The following CCSER1 variants were observed in gnomAD, a reference collection of about 807,000 sequenced individuals.
CCSER1 encodes the protein serine-rich coiled-coil domain-containing protein 1.
In CCSER1, 41 loss-of-function variants were observed where a neutral mutation model predicts 82.0. The ratio of observed to expected loss-of-function variants is 0.50; its 90% CI spans 0.39 to 0.65. CCSER1 has a LOEUF of 0.65. Ranked by LOEUF, CCSER1 falls within the 30% of genes least tolerant of loss-of-function variation. The pLI is 0.00. For synonymous variants in CCSER1, 414 were observed against 383.9 expected, an observed-to-expected ratio of 1.08 and a Z score of -0.92; for missense variants, 1,119 against 1,064.2, an observed-to-expected ratio of 1.05 and a Z score of -0.72.
chr4:91,135,096 C>T (rs998911921), intron 10 of CCSER1, among the ~76,000 whole-genome samples: 11 of 151,902 alleles, frequency 7.2e-5, no homozygotes, highest in African/African-American at 2.7e-4. Context: ...TTAATTTTCC[C>T]CCCACTTACT....
At chr4:91,301,515 T>C (rs1000674632) in intron 10 of CCSER1, among the ~76,000 whole-genome samples, 1 of 149,914 alleles carries the variant, frequency 6.7e-6, no homozygotes, top group African/African-American at 2.5e-5. Flanking sequence ...TATTTGCCTC[T>C]CTGTCTATGT....
intron 1 of CCSER1, among the ~76,000 whole-genome samples, chr4:90,271,847 TA>T: frequency 1.2e-4 from 3 of 24,208 alleles, no homozygotes; most frequent in South Asian, 1.6e-3. Context: ...TATATATATA[TA>T]TATATATATA....
At chr4:91,377,968 G>A (rs1031939439) in intron 10 of CCSER1, among the ~76,000 whole-genome samples, 5 of 152,114 alleles carry the variant, frequency 3.3e-5, no homozygotes, top group African/African-American at 4.8e-5. Flanking sequence ...TTCTACATAT[G>A]GCTAGCCAGT....
intron 8 of CCSER1, among the ~76,000 whole-genome samples, chr4:90,909,587 C>T (rs1726018501): frequency 6.6e-6 from 1 of 152,166 alleles, no homozygotes; most frequent in African/African-American, 2.4e-5. Context: ...TTCTATCATG[C>T]CTTTCCTGAT....
intron 1 of CCSER1, among the ~76,000 whole-genome samples, chr4:90,288,681 A>G (rs1459560404): frequency 6.6e-6 from 1 of 151,996 alleles, no homozygotes; most frequent in Non-Finnish European, 1.5e-5. Flanking sequence ...CCTGCCCTAC[A>G]TAGGCATGGA....
chr4:90,484,293 T>G (rs1033507813), intron 5 of CCSER1, among the ~76,000 whole-genome samples: 13 of 152,296 alleles, frequency 8.5e-5, no homozygotes, highest in Non-Finnish European at 1.2e-4. Context: ...TTCAAAGTTT[T>G]TAACTTATTT....
Position 90,885,544 on chromosome 4 carries a change from G to A in CCSER1, c.2095-37826G>A, listed in dbSNP as rs551653487. ...TTAATTTTGTGAGCTCAAGAGGGAT[G>A]TTTCTCCTTTTTGGCCCTTAGAGAA... On this transcript the variant is annotated intron_variant, in intron 8 of 10. Transcript: ENST00000509176. Among the ~76,000 whole-genome samples, 3 of 152,108 alleles carry A rather than the reference G, an allele frequency of 2.0e-5. No homozygotes were observed. In the East Asian group the frequency reaches 5.8e-4, roughly 29 times the overall value.
At chr4:91,430,271 G>T (rs1754217658) in intron 10 of CCSER1, among the ~76,000 whole-genome samples, 1 of 152,144 alleles carries the variant, frequency 6.6e-6, no homozygotes, top group Non-Finnish European at 1.5e-5. Context: ...ACTTGTGCCT[G>T]TGTGTGAATA....
intron 9 of CCSER1, among the ~76,000 whole-genome samples, chr4:91,006,374 C>T (rs1738506344): frequency 2.3e-5 from 1 of 43,294 alleles, no homozygotes; most frequent in East Asian, 3.8e-4. Context: ...TTCACTAGTT[C>T]TAACAGTTTT....
At position 90,416,530 on chromosome 4, in the gene CCSER1, C is replaced by G. The variant is rs1715794879; in HGVS notation, c.1603+16401C>G. The stretch of plus-strand genomic sequence containing the variant: ...TGTCTGTCTCAAAATATAATCCTAT[C>G]TAAATGAGTGACATGCAAAGTTCTA... On this transcript the variant is annotated intron_variant, in intron 4 of 10. Coordinates refer to ENST00000509176, the MANE Select transcript of CCSER1 (RefSeq NM_001145065.2). Among the ~76,000 whole-genome samples the G allele has an allele frequency of 2.0e-5, 3 of 152,124 alleles. No individual in the cohort carries two copies. In the South Asian group the frequency reaches 6.2e-4, roughly 31 times the overall value.
chr4:90,476,099 A>G (rs768427813), intron 5 of CCSER1, among the ~76,000 whole-genome samples: 7 of 151,958 alleles, frequency 4.6e-5, no homozygotes, highest in Non-Finnish European at 8.8e-5. Flanking sequence ...TCCAGATTTC[A>G]TAAACTTCAG....
At chr4:90,497,007 A>G (rs1769133964) in intron 5 of CCSER1, among the ~76,000 whole-genome samples, 1 of 151,510 alleles carries the variant, frequency 6.6e-6, no homozygotes, top group African/African-American at 2.4e-5. Context: ...AGAGAAAGAA[A>G]TAAAGGAAAT....
At chr4:90,816,842 A>G (rs977348516) in intron 8 of CCSER1, among the ~76,000 whole-genome samples, 2 of 152,160 alleles carry the variant, frequency 1.3e-5, no homozygotes, top group African/African-American at 4.8e-5. Flanking sequence ...GAGATATTGG[A>G]GAAATTCAGA....
chr4:90,694,506 A>G (rs1193723421), intron 6 of CCSER1, among the ~76,000 whole-genome samples: 1 of 152,034 alleles, frequency 6.6e-6, no homozygotes, highest in Non-Finnish European at 1.5e-5. Flanking sequence ...ATGGAAAGTA[A>G]CAAAGAAAGC....
At chr4:91,229,279 A>C (rs2149112333) in intron 10 of CCSER1, among the ~76,000 whole-genome samples, 1 of 90,712 alleles carries the variant, frequency 1.1e-5, no homozygotes, top group East Asian at 5.1e-4. Flanking sequence ...CCCAAAAAAC[A>C]AAAACCTGCA....
chr4:91,190,696 A>G (rs1429169876), intron 10 of CCSER1, among the ~76,000 whole-genome samples: 1 of 152,238 alleles, frequency 6.6e-6, no homozygotes, highest in Non-Finnish European at 1.5e-5. Context: ...AAAGGTGAGA[A>G]AGTGTAGGTC....
intron 1 of CCSER1, among the ~76,000 whole-genome samples, chr4:90,132,472 C>T (rs1722971343): frequency 6.6e-6 from 1 of 152,060 alleles, no homozygotes; most frequent in African/African-American, 2.4e-5. Flanking sequence ...GAGGAGAAAA[C>T]ACTGTAACAA....
In CCSER1 at chr4:90,460,671, A is replaced by T. The variant is rs75551171; in HGVS notation, c.1604-7563A>T. ...TATCTCAAGATGATATTAGCCTTAA[A>T]TAATATGGTTGTATAGAATACTTTT... On this transcript the variant is annotated intron_variant, in intron 4 of 10. Coordinates refer to ENST00000509176, the MANE Select transcript of CCSER1 (RefSeq NM_001145065.2). 1.1e-3 allele frequency among the ~76,000 whole-genome samples: 161 copies of T among 152,276 alleles called. 3 individuals are homozygous for T. In the East Asian group the frequency reaches 0.03, roughly 28 times the overall value.
In CCSER1 at chr4:90,421,661, A is replaced by G. The variant is rs556167751; in HGVS notation, c.1603+21532A>G. On this transcript the variant is annotated intron_variant, in intron 4 of 10. Transcript: ENST00000509176. ...AAAATAATGATTTTTTTATCCTTATATCTATGTAGTCTTTTGCAAGAACCT... is the reference window on the plus strand; with the variant it reads ...AAAATAATGATTTTTTTATCCTTATGTCTATGTAGTCTTTTGCAAGAACCT... Among the ~76,000 whole-genome samples the G allele has an allele frequency of 2.0e-5, 3 of 152,314 alleles. No homozygotes were observed. The South Asian group carries it at 6.2e-4, about 32-fold the overall frequency.
Sources: gnomAD v4.1 joint callset for allele counts (sites outside exome capture counted in the v4.1 genomes callset) on GRCh38, gnomAD v4.1.1 for gene constraint, MANE v1.5 for transcripts, NCBI Gene and HGNC (gene_info 2026-07-23, HGNC 2026-07-21) for gene names.